STPG2: variants seen among roughly 807,000 people sequenced by gnomAD.
STPG2 encodes the protein sperm-tail PG-rich repeat-containing protein 2.
Under a neutral mutation model 54.2 loss-of-function variants are expected in STPG2, and 56 were observed. The observed-to-expected ratio is 1.03, with a 90% CI of 0.83 to 1.29. The LOEUF (loss-of-function observed/expected upper bound fraction) is 1.29, where lower values mean the gene tolerates loss of function less well. Among genes scored for constraint, STPG2 ranks in the 50% most tolerant of loss-of-function variants. The pLI is 0.00. For synonymous variants in STPG2, 200 were observed against 181.8 expected (o/e 1.10, Z -0.81); for missense variants, 596 against 544.9 (o/e 1.09, Z -0.93).
chr4:97,916,222 C>T (rs1393732552), intron 8 of STPG2: 2 of 152,446 alleles, frequency 1.3e-5, no homozygotes, highest in Admixed American at 1.3e-4. Context: ...AAGGTGACTC[C>T]AAGACTTTAA....
chr4:97,556,782 T>G (rs1732087620), downstream of STPG2, among the ~76,000 whole-genome samples: 1 of 152,176 alleles, frequency 6.6e-6, no homozygotes, highest in East Asian at 1.9e-4. Flanking sequence ...CTCCTTGTCT[T>G]TATAGTTATT....
At chr4:98,001,120 G>A (rs1408063879) in intron 5 of STPG2, among the ~76,000 whole-genome samples, 2 of 152,088 alleles carry the variant, frequency 1.3e-5, no homozygotes, top group African/African-American at 4.8e-5. Context: ...TAATTCAGCT[G>A]AGTCAAAAAT....
intron 4 of STPG2, among the ~76,000 whole-genome samples, chr4:97,516,549 G>A (rs1046574010): frequency 6.6e-5 from 10 of 152,030 alleles, no homozygotes; most frequent in African/African-American, 2.4e-4. Context: ...TAGGCCATGT[G>A]CTGTGGCTGA....
chr4:97,589,182 A>G (rs1197367918), intron 10 of STPG2, among the ~76,000 whole-genome samples: 2 of 151,956 alleles, frequency 1.3e-5, no homozygotes, highest in Admixed American at 1.3e-4. Flanking sequence ...GTTCTCTTGT[A>G]TGTTTTTGTA....
chr4:98,132,474 C>T (rs1173477295), intron 2 of STPG2, among the ~76,000 whole-genome samples: 2 of 151,920 alleles, frequency 1.3e-5, no homozygotes, highest in Non-Finnish European at 2.9e-5. Context: ...GTCTCTAATA[C>T]TTTTCTGTTC....
intron 4 of STPG2, among the ~76,000 whole-genome samples, chr4:97,527,420 T>C (rs1033096175): frequency 9.2e-5 from 14 of 152,328 alleles, no homozygotes; most frequent in African/African-American, 2.9e-4. Context: ...TTTGGGTTCA[T>C]TCCAAGTCTT....
chr4:97,972,781 G>A (rs2149257745), intron 6 of STPG2, among the ~76,000 whole-genome samples: 1 of 152,218 alleles, frequency 6.6e-6, no homozygotes, highest in African/African-American at 2.4e-5. Flanking sequence ...TAGTGAATAA[G>A]TATCACGAGA....
At chr4:98,131,006 C>A (rs914639760) in intron 2 of STPG2, among the ~76,000 whole-genome samples, 1 of 151,304 alleles carries the variant, frequency 6.6e-6, no homozygotes, top group Non-Finnish European at 1.5e-5. Context: ...ACTCTCCCTT[C>A]GCTCCTGTAC....
intron 4 of STPG2, among the ~76,000 whole-genome samples, chr4:97,473,609 T>C (rs1729998552): frequency 6.6e-6 from 1 of 152,148 alleles, no homozygotes; most frequent in Non-Finnish European, 1.5e-5. Context: ...TCCTGTGATC[T>C]CGCCCTGCCA....
At position 97,679,226 on chromosome 4, in the gene STPG2, C is replaced by G. The variant is rs886415015; in HGVS notation, c.1320+33473G>C. Among the ~76,000 whole-genome samples, 14 of 152,276 alleles carry G rather than the reference C, an allele frequency of 9.2e-5. No homozygotes were observed. The East Asian group carries it at 1.2e-3, about 13-fold the overall frequency. Reference sequence around the variant, plus strand: ...ACTAACTTCCACAATGGTTGAACTACTTTACAGTCCCACCAACAGTGTAAA... The same window carrying G: ...ACTAACTTCCACAATGGTTGAACTAGTTTACAGTCCCACCAACAGTGTAAA... On this transcript the variant is annotated intron_variant, in intron 10 of 10. Transcript: ENST00000295268.
chr4:97,455,414 G>T (rs1301654387), intron 4 of STPG2, among the ~76,000 whole-genome samples: 1 of 151,842 alleles, frequency 6.6e-6, no homozygotes, highest in Non-Finnish European at 1.5e-5. Flanking sequence ...AGACACAAGC[G>T]GCTGGATGTC....
intron 10 of STPG2, among the ~76,000 whole-genome samples, chr4:97,601,868 T>A (rs1014268924): frequency 6.6e-6 from 1 of 151,900 alleles, no homozygotes; most frequent in Non-Finnish European, 1.5e-5. Flanking sequence ...AATTTATAGA[T>A]CAAGTTGGGA....
At chr4:97,930,622 C>T (rs1181177947) in intron 8 of STPG2, among the ~76,000 whole-genome samples, 1 of 152,054 alleles carries the variant, frequency 6.6e-6, no homozygotes, top group Non-Finnish European at 1.5e-5. Flanking sequence ...GATGCCTCCA[C>T]CTTTGTTCTT....
chr4:97,585,565 C>A (rs1443910363), intron 10 of STPG2, among the ~76,000 whole-genome samples: 1 of 151,936 alleles, frequency 6.6e-6, no homozygotes, highest in African/African-American at 2.4e-5. Flanking sequence ...CAGCAAGAAC[C>A]CAGACTGGAA....
At position 97,900,402 on chromosome 4, in the gene STPG2, G is replaced by A. The variant is rs188694413; in HGVS notation, c.1044+43495C>T. On this transcript the variant is annotated intron_variant, in intron 8 of 10. Transcript: ENST00000295268. Reference sequence around the variant, plus strand: ...GCTAAAAGCAGAATTACCATTCAACGCAGCAATCCCATTACCGGGTATATT... The same window carrying A: ...GCTAAAAGCAGAATTACCATTCAACACAGCAATCCCATTACCGGGTATATT... Among the ~76,000 whole-genome samples the A allele has an allele frequency of 1.8e-3, 279 of 152,012 alleles. 2 individuals carry two copies. Among genetic ancestry groups the A allele is most frequent in the Non-Finnish European group, 3.3e-3 (225 of 67,862 alleles).
At chr4:97,443,861 G>A (rs1729152203) in intron 4 of STPG2, among the ~76,000 whole-genome samples, 1 of 152,052 alleles carries the variant, frequency 6.6e-6, no homozygotes, top group African/African-American at 2.4e-5. Flanking sequence ...TAAAACATAA[G>A]CAGAACCAAA....
At position 97,642,004 on chromosome 4, in the gene STPG2, T is replaced by C. The variant is rs138186218; in HGVS notation, c.1320+70695A>G. Among the ~76,000 whole-genome samples, 565 of 151,622 alleles carry C rather than the reference T, an allele frequency of 3.7e-3. 4 individuals carry two copies. The highest frequency in any genetic ancestry group is 0.013 in the African/African-American group (554 of 41,526). ...TATTCTCCATGGTTTATTTGGCATTTAACTTATTATGCTCTAACCAATAAA... is the reference window on the plus strand; with the variant it reads ...TATTCTCCATGGTTTATTTGGCATTCAACTTATTATGCTCTAACCAATAAA... On this transcript the variant is annotated intron_variant, in intron 10 of 10. Transcript: ENST00000295268.
At chr4:97,596,184 T>G (rs535458000) in intron 10 of STPG2, among the ~76,000 whole-genome samples, 4 of 152,260 alleles carry the variant, frequency 2.6e-5, no homozygotes, top group African/African-American at 9.6e-5. Flanking sequence ...TACACAATGG[T>G]AAAGGCTTCA....
intron 8 of STPG2, among the ~76,000 whole-genome samples, chr4:97,868,937 C>T (rs970815164): frequency 7.9e-5 from 12 of 151,770 alleles, no homozygotes; most frequent in South Asian, 4.1e-4. Context: ...AGAGAAATTT[C>T]GAGTTATCTT....
Sources: allele counts gnomAD v4.1 joint callset (sites outside exome capture counted in the v4.1 genomes callset), GRCh38; gene constraint gnomAD v4.1.1; transcripts MANE v1.5; gene names NCBI Gene and HGNC (gene_info 2026-07-23, HGNC 2026-07-21).